Variants in CHL1 observed in about 807,000 individuals in gnomAD.
CHL1 encodes cell adhesion molecule L1 like.
CHL1 carries 96 observed loss-of-function variants against 141.9 expected under a neutral mutation model. That is an observed-to-expected ratio of 0.68 (90% CI 0.57 to 0.80). The LOEUF (loss-of-function observed/expected upper bound fraction) is 0.80. Among genes scored for constraint, CHL1 ranks in the 30% least tolerant of loss-of-function variants. CHL1 has a pLI of 0.00. For missense variants in CHL1, 1,820 were observed against 1,457.2 expected, an observed-to-expected ratio of 1.25 and a Z score of -4.05; for synonymous variants, 613 against 502.2, an observed-to-expected ratio of 1.22 and a Z score of -2.95.
chr3:239,387 C>T (rs1282384893), intron 1 of CHL1, among the ~76,000 whole-genome samples: 1 of 152,130 alleles, frequency 6.6e-6, no homozygotes, highest in African/African-American at 2.4e-5. Flanking sequence ...TGCACACTTG[C>T]TCCGTTTTCA....
chr3:350,521 A>G (rs1303635842), intron 10 of CHL1, among the ~76,000 whole-genome samples: 3 of 152,196 alleles, frequency 2.0e-5, no homozygotes, highest in Admixed American at 6.6e-5. Flanking sequence ...TGCTCTAGGC[A>G]CCCATTAATA....
chr3:346,219 A>G (rs1288601313), intron 9 of CHL1, among the ~76,000 whole-genome samples: 1 of 152,206 alleles, frequency 6.6e-6, no homozygotes, highest in Admixed American at 6.5e-5. Flanking sequence ...CAAAAATATC[A>G]AAGTTGCTTG....
At chr3:398,206 T>A (rs1163180206) in intron 24 of CHL1, 21 bp from the exon 25 acceptor site, 13 of 1,530,902 alleles carry the variant, frequency 8.5e-6, no homozygotes, top group Non-Finnish European at 1.2e-5. Flanking sequence ...TTCACATGAT[T>A]TAACTGTGTA....
At chr3:264,388 T>A (rs556586871) in intron 2 of CHL1, among the ~76,000 whole-genome samples, 27 of 152,302 alleles carry the variant, frequency 1.8e-4, no homozygotes, top group African/African-American at 5.5e-4. Flanking sequence ...TAGTTTTTTT[T>A]AATAAACATA....
rs1165913232 is a variant in CHL1, at chr3:314,327, G to C, written c.-94-5356G>C. Among the ~76,000 whole-genome samples the C allele has an allele frequency of 1.1e-3, 60 of 56,984 alleles. 3 individuals carry two copies. The highest frequency in any genetic ancestry group is 1.7e-3 in the African/African-American group (32 of 19,048). 37.4% of individuals were successfully genotyped at this position (56,984 alleles called of 152,430 possible). A position where few individuals can be genotyped will look rare whatever the true frequency, so the allele number is the denominator to read the frequency against. The stretch of plus-strand genomic sequence containing the variant: ...TCTCTCTTTCTCTCTCTCTCTCTAT[G>C]TGTATATATATATATATATATATAT... On this transcript the variant is annotated intron_variant, in intron 2 of 27. Coordinates refer to ENST00000256509, the MANE Select transcript of CHL1 (RefSeq NM_006614.4).
rs144771821 is a variant in CHL1 at position 405,529 on chromosome 3, C to T, written c.3493C>T (p.Arg1165Trp). 3.7e-6 allele frequency: 6 copies of T among 1,612,978 alleles called. No homozygotes were observed. Among genetic ancestry groups the T allele is most frequent in the South Asian group, 3.3e-5 (3 of 91,022 alleles). ...TGAAAAGCCTCTCAAAGGAAGCCTTCGGTCCCTTAATAGGGATATGCAGCC... is the reference window on the plus strand; with the variant it reads ...TGAAAAGCCTCTCAAAGGAAGCCTTTGGTCCCTTAATAGGGATATGCAGCC... ...SDEKPLKGSL[R>W]SLNRDMQPTE... Residue 1165 changes from arginine (R) to tryptophan (W), a missense_variant, in exon 28 of 28, where the codon CGG becomes TGG. Transcript: ENST00000256509.
intron 14 of CHL1, among the ~76,000 whole-genome samples, chr3:365,692 C>G (rs1005843500): frequency 1.3e-5 from 2 of 152,186 alleles, no homozygotes; most frequent in African/African-American, 4.8e-5. Flanking sequence ...TTATACTTTG[C>G]TTACTCCCTT....
chr3:258,801 T>C (rs896361495), intron 2 of CHL1, among the ~76,000 whole-genome samples: 5 of 152,146 alleles, frequency 3.3e-5, no homozygotes, highest in Non-Finnish European at 7.4e-5. Flanking sequence ...ATATCATACT[T>C]CTTTATCCAT....
At chr3:213,034 G>A (rs1166952389) in intron 1 of CHL1, among the ~76,000 whole-genome samples, 1 of 152,278 alleles carries the variant, frequency 6.6e-6, no homozygotes, top group Non-Finnish European at 1.5e-5. Context: ...AAGAGCAAAC[G>A]TTACTATGAT....
intron 1 of CHL1, among the ~76,000 whole-genome samples, chr3:222,591 C>T (rs953964735): frequency 3.3e-5 from 5 of 152,064 alleles, no homozygotes; most frequent in South Asian, 2.1e-4. Flanking sequence ...CTTGGGAAAA[C>T]GAATAGATGG....
At chr3:234,078 T>C (rs1365144858) in intron 1 of CHL1, among the ~76,000 whole-genome samples, 1 of 152,062 alleles carries the variant, frequency 6.6e-6, no homozygotes, top group East Asian at 1.9e-4. Flanking sequence ...TGTATGTGTG[T>C]ATATGAGTGT....
At chr3:390,266 A>G (rs1708112688) in intron 20 of CHL1, among the ~76,000 whole-genome samples, 2 of 152,234 alleles carry the variant, frequency 1.3e-5, no homozygotes, top group South Asian at 4.1e-4. Context: ...AGATAATAAT[A>G]TCCTCTTCAC....
intron 26 of CHL1, among the ~76,000 whole-genome samples, chr3:400,526 C>A (rs1396895568): frequency 6.7e-6 from 1 of 148,838 alleles, no homozygotes; most frequent in African/African-American, 2.5e-5. Flanking sequence ...CTAAGAGAAT[C>A]TACTAGGTCT....
At chr3:387,660 T>C (rs941267489) in intron 19 of CHL1, among the ~76,000 whole-genome samples, 1 of 152,208 alleles carries the variant, frequency 6.6e-6, no homozygotes, top group Non-Finnish European at 1.5e-5. Flanking sequence ...TGAAGAAAAC[T>C]ATCATTCCAG....
intron 2 of CHL1, among the ~76,000 whole-genome samples, chr3:280,895 C>T (rs1375667154): frequency 9.3e-4 from 136 of 146,810 alleles, no homozygotes; most frequent in African/African-American, 3.5e-3. Context: ...ACATGCACCA[C>T]ACACACACAC....
At chr3:329,995 A>G (rs567662007) in intron 5 of CHL1, among the ~76,000 whole-genome samples, 1 of 152,246 alleles carries the variant, frequency 6.6e-6, no homozygotes, top group East Asian at 1.9e-4. Flanking sequence ...GAAAAACATC[A>G]GTGAGCATAT....
chr3:383,534 T>A (rs1475998571), intron 18 of CHL1, among the ~76,000 whole-genome samples: 1 of 152,182 alleles, frequency 6.6e-6, no homozygotes, highest in African/African-American at 2.4e-5. Flanking sequence ...AAAGCAGTTT[T>A]AAAAATTTTA....
intron 2 of CHL1, among the ~76,000 whole-genome samples, chr3:252,359 C>CACAT (rs1368507489): frequency 3.7e-5 from 1 of 26,766 alleles, no homozygotes; most frequent in Non-Finnish European, 6.8e-5. Context: ...AGAAAGCATC[C>CACAT]AGATATATAT....
At chr3:382,423 C>G in intron 17 of CHL1, 51 bp from the exon 18 acceptor site, 1 of 1,524,948 alleles carries the variant, frequency 6.6e-7, no homozygotes, top group South Asian at 1.1e-5. Context: ...TTTGGTATAA[C>G]TTATCCATAC....
Sources: gnomAD v4.1 joint callset for allele counts (sites outside exome capture counted in the v4.1 genomes callset) on GRCh38, gnomAD v4.1.1 for gene constraint, MANE v1.5 for transcripts, NCBI Gene and HGNC (gene_info 2026-07-23, HGNC 2026-07-21) for gene names.